The following POC1B variants were observed in gnomAD, a reference collection of about 807,000 sequenced individuals.
The protein encoded by POC1B is POC1 centriolar protein B.
In POC1B, 44 loss-of-function variants were observed where a neutral mutation model predicts 60.6. The ratio of observed to expected loss-of-function variants is 0.73; its 90% CI spans 0.57 to 0.93. POC1B has a LOEUF of 0.93. Ranked by LOEUF, POC1B falls within the 40% of genes least tolerant of loss-of-function variation. The pLI is 0.00. For synonymous variants in POC1B, 180 were observed against 198.9 expected, an observed-to-expected ratio of 0.90 and a Z score of 0.80; for missense variants, 555 against 572.3, an observed-to-expected ratio of 0.97 and a Z score of 0.31.
Position 89,512,619 on chromosome 12 carries a change from C to T in POC1B, c.100+12501G>A, listed in dbSNP as rs114939500. On this transcript the variant is annotated intron_variant, in intron 2 of 11. Coordinates refer to ENST00000313546, the MANE Select transcript of POC1B (RefSeq NM_172240.3). The stretch of plus-strand genomic sequence containing the variant: ...ACAATTTAAAAAATTACCTGGGTTT[C>T]GTGGTGCATGCCTGTAGTCCCAGCT... Among the ~76,000 whole-genome samples, 366 of 152,194 alleles carry T rather than the reference C, an allele frequency of 2.4e-3. 2 individuals carry two copies. Among genetic ancestry groups the T allele is most frequent in the African/African-American group, 8.4e-3 (350 of 41,526 alleles).
chr12:89,481,111 T>A (rs1008668190), intron 4 of POC1B, among the ~76,000 whole-genome samples: 1 of 152,140 alleles, frequency 6.6e-6, no homozygotes, highest in African/African-American at 2.4e-5. Flanking sequence ...TGGCCTCGAG[T>A]GATCCACCCG....
intron 2 of POC1B, chr12:89,502,336 A>G: frequency 6.2e-7 from 1 of 1,612,076 alleles, no homozygotes; most frequent in Non-Finnish European, 8.5e-7. Flanking sequence ...GACCAAGAGA[A>G]CACGTTTGAA....
chr12:89,508,080 C>A (rs1196230220), intron 2 of POC1B, among the ~76,000 whole-genome samples: 4 of 152,294 alleles, frequency 2.6e-5, no homozygotes, highest in Admixed American at 6.5e-5. Context: ...CAGAAGCAAC[C>A]AGCATTACTA....
chr12:89,475,119 G>T (rs58141204), intron 4 of POC1B, among the ~76,000 whole-genome samples: 1,813 of 152,196 alleles, frequency 0.012, 35 homozygotes, highest in African/African-American at 0.042. Context: ...GAAAGTGATA[G>T]GAAAAAGGGT....
chr12:89,434,205 A>T (rs1331073143), intron 10 of POC1B, among the ~76,000 whole-genome samples: 1 of 152,230 alleles, frequency 6.6e-6, no homozygotes, highest in East Asian at 1.9e-4. Context: ...TCAAAGAAAG[A>T]ACCTTCAGCT....
At chr12:89,498,704 A>C (rs1297736112) in intron 2 of POC1B, among the ~76,000 whole-genome samples, 1 of 152,230 alleles carries the variant, frequency 6.6e-6, no homozygotes, top group Non-Finnish European at 1.5e-5. Context: ...CAAATTACTA[A>C]AGATTTATAG....
At position 89,420,935 on chromosome 12, in the gene POC1B, ATAG is replaced by A; in HGVS notation, c.*215_*217del. 2.4e-6 allele frequency: 1 copy of A among 415,904 alleles called. No individual in the cohort carries two copies. The highest frequency in any genetic ancestry group is 4.3e-6 in the Non-Finnish European group (1 of 232,570). 25.8% of individuals were successfully genotyped at this position (415,904 alleles called of 1,614,324 possible). On this transcript the variant is annotated 3_prime_UTR_variant, in exon 12 of 12. Transcript: ENST00000313546. ...CACTTTATTACTGCAATCATAAATG[ATAG>A]TAATTTAAATTAGTCCTTCACATTG...
the POC1B span, among the ~76,000 whole-genome samples, chr12:89,405,128 T>C: frequency 5.3e-5 from 8 of 152,140 alleles, no homozygotes; most frequent in Admixed American, 1.3e-4. Flanking sequence ...ATCTACCCCA[T>C]GGAACGCAAG....
chr12:89,451,608 A>C (rs1329562291), intron 10 of POC1B, among the ~76,000 whole-genome samples: 1 of 152,232 alleles, frequency 6.6e-6, no homozygotes, highest in Non-Finnish European at 1.5e-5. Flanking sequence ...GGCCGGGACC[A>C]GCACTGGGCC....
At chr12:89,525,566 A>C (rs1352296620) in intron 1 of POC1B, 5 of 1,223,952 alleles carry the variant, frequency 4.1e-6, no homozygotes, top group Non-Finnish European at 3.1e-6. Context: ...TTTTTTTTTA[A>C]TACTTCCTAG....
intron 10 of POC1B, among the ~76,000 whole-genome samples, chr12:89,448,478 A>G (rs1412078963): frequency 6.6e-6 from 1 of 152,210 alleles, no homozygotes; most frequent in Non-Finnish European, 1.5e-5. Context: ...TTCTGCATAC[A>G]CAGTTCCTAC....
chr12:89,523,301 C>T (rs1592652517), intron 2 of POC1B: 1 of 1,614,060 alleles, frequency 6.2e-7, no homozygotes, highest in Non-Finnish European at 8.5e-7. Context: ...CTCAACCGCT[C>T]TCGTAGTAAT....
In POC1B at chr12:89,525,222, C is replaced by G. The variant is rs1171145761; in HGVS notation, c.16-18G>C. 1 of 1,598,746 alleles carries G rather than the reference C, an allele frequency of 6.3e-7. No individual in the cohort carries two copies. The highest frequency in any genetic ancestry group is 8.5e-7 in the Non-Finnish European group (1 of 1,172,482). ...GGGTCCTCCTGGAAAGGAAAGTTGTCAAGTTTTGAAAGCCGCCGCAGACCT... is the reference window on the plus strand; with the variant it reads ...GGGTCCTCCTGGAAAGGAAAGTTGTGAAGTTTTGAAAGCCGCCGCAGACCT... On this transcript the variant is annotated intron_variant, in intron 1 of 11. Coordinates refer to ENST00000313546, the MANE Select transcript of POC1B (RefSeq NM_172240.3).
chr12:89,463,619 C>A (rs922547607), intron 9 of POC1B, among the ~76,000 whole-genome samples: 1 of 152,092 alleles, frequency 6.6e-6, no homozygotes, highest in African/African-American at 2.4e-5. Context: ...GAGAGAGGTA[C>A]TGTTCTCATG....
At chr12:89,444,339 C>T (rs760684150) in intron 10 of POC1B, among the ~76,000 whole-genome samples, 2 of 152,118 alleles carry the variant, frequency 1.3e-5, no homozygotes, top group East Asian at 1.9e-4. Context: ...TGATGAACAG[C>T]GATGCAAAAA....
intron 10 of POC1B, among the ~76,000 whole-genome samples, chr12:89,440,101 AAATG>A (rs1363469124): frequency 6.6e-6 from 1 of 152,172 alleles, no homozygotes; most frequent in Non-Finnish European, 1.5e-5. Context: ...CATTTTTGTG[AAATG>A]AATGAACAAT....
rs552148954 is a variant in POC1B, at chr12:89,525,145, G to T, written c.75C>A (p.Asp25Glu). 5.0e-6 allele frequency: 8 copies of T among 1,613,946 alleles called. No individual in the cohort carries two copies. In the Admixed American group the frequency reaches 5.0e-5, roughly 10 times the overall value. ...KGHKAAITSL[D>E]LSPNGKQLAT... Reference sequence around the variant, plus strand: ...CAAGTTGCTTGCCGTTGGGGCTGAGGTCCAAGGAGGTGATCGCAGCTTTGT... The same window carrying T: ...CAAGTTGCTTGCCGTTGGGGCTGAGTTCCAAGGAGGTGATCGCAGCTTTGT... Residue 25 changes from aspartate (D) to glutamate (E), a missense_variant, in exon 2 of 12, where the codon GAC (aspartate) becomes GAA (glutamate). By Grantham distance (45) the Asp-to-Glu change is conservative. Transcript: ENST00000313546.
intron 4 of POC1B, among the ~76,000 whole-genome samples, chr12:89,481,579 G>A (rs1868365438): frequency 6.6e-6 from 1 of 152,180 alleles, no homozygotes; most frequent in Admixed American, 6.5e-5. Context: ...AAATTTTGAA[G>A]ACAGGGTACA....
chr12:89,493,860 A>G (rs142250258), intron 3 of POC1B, among the ~76,000 whole-genome samples: 1 of 152,334 alleles, frequency 6.6e-6, no homozygotes, highest in Non-Finnish European at 1.5e-5. Context: ...AAACCAAGAT[A>G]GGAGTGCCTT....
Sources: gnomAD v4.1 joint callset for allele counts (sites outside exome capture counted in the v4.1 genomes callset) on GRCh38, gnomAD v4.1.1 for gene constraint, MANE v1.5 for transcripts, NCBI Gene and HGNC (gene_info 2026-07-23, HGNC 2026-07-21) for gene names.